The following PTPRD variants were observed in gnomAD, a reference collection of about 807,000 sequenced individuals.
PTPRD encodes receptor-type tyrosine-protein phosphatase delta.
In PTPRD, 34 loss-of-function variants were observed where a neutral mutation model predicts 214.5. The ratio of observed to expected loss-of-function variants is 0.16; its 90% confidence interval spans 0.12 to 0.21. The LOEUF (loss-of-function observed/expected upper bound fraction) is 0.21. Ranked by LOEUF, PTPRD falls within the 10% of genes least tolerant of loss-of-function variation. PTPRD has a pLI of 1.00. For missense variants in PTPRD, 2,545 were observed against 2,398.7 expected, an observed-to-expected ratio of 1.06 and a Z score of -1.27; for synonymous variants, 1,128 against 845.7, an observed-to-expected ratio of 1.33 and a Z score of -5.79.
chr9:9,861,724 T>A (rs1038495163), intron 5 of PTPRD, among the ~76,000 whole-genome samples: 15 of 152,238 alleles, frequency 9.9e-5, no homozygotes, highest in African/African-American at 3.6e-4. Context: ...AGCTTATATA[T>A]AGAAGCACTA....
intron 11 of PTPRD, among the ~76,000 whole-genome samples, chr9:8,803,989 G>C (rs984859542): frequency 3.3e-5 from 5 of 151,804 alleles, no homozygotes; most frequent in Non-Finnish European, 7.4e-5. Flanking sequence ...GTCTCGCTCT[G>C]TTGCCCAGGC....
intron 27 of PTPRD, among the ~76,000 whole-genome samples, chr9:8,489,628 G>C (rs1054509309): frequency 6.6e-6 from 1 of 152,212 alleles, no homozygotes; most frequent in African/African-American, 2.4e-5. Flanking sequence ...CCATAAGCAT[G>C]TGAATAATAG....
At chr9:9,622,791 C>T (rs1027994091) in intron 7 of PTPRD, among the ~76,000 whole-genome samples, 3 of 152,234 alleles carry the variant, frequency 2.0e-5, no homozygotes, top group African/African-American at 7.2e-5. Flanking sequence ...GGGATAAACA[C>T]TGCTCAGGAA....
intron 3 of PTPRD, among the ~76,000 whole-genome samples, chr9:10,303,651 T>C (rs2095946822): frequency 6.6e-6 from 1 of 152,108 alleles, no homozygotes; most frequent in Admixed American, 6.6e-5. Context: ...GCAAATAAAC[T>C]AGAAAATCTA....
chr9:8,671,598 C>A (rs2097287479), intron 12 of PTPRD, among the ~76,000 whole-genome samples: 1 of 152,080 alleles, frequency 6.6e-6, no homozygotes, highest in East Asian at 1.9e-4. Context: ...AATATTTTAT[C>A]TGTAGGAATC....
intron 14 of PTPRD, among the ~76,000 whole-genome samples, chr9:8,529,188 C>G (rs927017788): frequency 5.9e-5 from 9 of 152,006 alleles, no homozygotes; most frequent in African/African-American, 2.2e-4. Context: ...GGGAATGTCA[C>G]AAGTGTAGGC....
chr9:8,945,265 C>T (rs58837186), intron 11 of PTPRD, among the ~76,000 whole-genome samples: 21,537 of 151,714 alleles, frequency 0.14, 1,899 homozygotes, highest in Non-Finnish European at 0.2. Flanking sequence ...TGTGAATCTC[C>T]CACTTAAGGC....
intron 7 of PTPRD, among the ~76,000 whole-genome samples, chr9:9,643,905 G>C (rs766658643): frequency 6.6e-6 from 1 of 152,072 alleles, no homozygotes; most frequent in African/African-American, 2.4e-5. Context: ...GCCCGCTAAA[G>C]AATTATGTCA....
intron 10 of PTPRD, among the ~76,000 whole-genome samples, chr9:9,071,346 G>C (rs1225907853): frequency 6.6e-6 from 1 of 152,168 alleles, no homozygotes; most frequent in African/African-American, 2.4e-5. Context: ...ATGCCAAATA[G>C]GTTGATTTTG....
intron 44 of PTPRD, among the ~76,000 whole-genome samples, chr9:8,320,287 T>C (rs1272909886): frequency 6.6e-6 from 1 of 152,116 alleles, no homozygotes; most frequent in Non-Finnish European, 1.5e-5. Context: ...ATAATATTCA[T>C]GGAGATTCTG....
chr9:10,086,795 C>T (rs2098345688), intron 3 of PTPRD, among the ~76,000 whole-genome samples: 1 of 151,780 alleles, frequency 6.6e-6, no homozygotes, highest in Non-Finnish European at 1.5e-5. Context: ...TCATAATTTG[C>T]TTTCATTTCA....
At chr9:9,144,512 G>C (rs1205919481) in intron 10 of PTPRD, among the ~76,000 whole-genome samples, 1 of 152,084 alleles carries the variant, frequency 6.6e-6, no homozygotes, top group African/African-American at 2.4e-5. Flanking sequence ...CTAGTGCTTT[G>C]GGAGGCTGAG....
intron 3 of PTPRD, among the ~76,000 whole-genome samples, chr9:10,195,366 C>A (rs889123998): frequency 6.6e-6 from 1 of 151,932 alleles, no homozygotes; most frequent in Non-Finnish European, 1.5e-5. Flanking sequence ...GTTAGAGACC[C>A]CAATTTTAGA....
intron 2 of PTPRD, among the ~76,000 whole-genome samples, chr9:10,597,551 G>A (rs1229842341): frequency 2.0e-5 from 3 of 151,716 alleles, no homozygotes; most frequent in African/African-American, 7.3e-5. Flanking sequence ...AATAATGCAT[G>A]ACTTGAAACT....
intron 39 of PTPRD, among the ~76,000 whole-genome samples, chr9:8,373,860 GTCTGTCTATCTATCTA>G (rs1321916815): frequency 1.3e-4 from 10 of 75,444 alleles, no homozygotes; most frequent in South Asian, 5.3e-4. Context: ...GTATGTGTCT[GTCTGTCTATCTATCTA>G]TCTATCTATC....
At chr9:9,379,778 T>C (rs2061692111) in intron 9 of PTPRD, among the ~76,000 whole-genome samples, 1 of 152,058 alleles carries the variant, frequency 6.6e-6, no homozygotes, top group Admixed American at 6.6e-5. Context: ...TACTGTTTAT[T>C]TCTGAAGTGT....
chr9:9,062,479 A>G (rs1404945554), intron 10 of PTPRD, among the ~76,000 whole-genome samples: 1 of 152,088 alleles, frequency 6.6e-6, no homozygotes, highest in Non-Finnish European at 1.5e-5. Context: ...TTGTATCCCC[A>G]TGGATCTCAC....
chr9:8,364,062 T>G (rs1201176956), intron 39 of PTPRD, among the ~76,000 whole-genome samples: 1 of 152,206 alleles, frequency 6.6e-6, no homozygotes, highest in African/African-American at 2.4e-5. Flanking sequence ...ATTTCAGAGT[T>G]TTACACAGCT....
At chr9:8,535,699 T>C (rs929261441) in intron 14 of PTPRD, among the ~76,000 whole-genome samples, 3 of 151,944 alleles carry the variant, frequency 2.0e-5, no homozygotes, top group African/African-American at 7.2e-5. Flanking sequence ...TTTAAAAAGA[T>C]GATGCCAAGA....
Sources: gnomAD v4.1 joint callset for allele counts (sites outside exome capture counted in the v4.1 genomes callset) on GRCh38, gnomAD v4.1.1 for gene constraint, MANE v1.5 for transcripts, NCBI Gene and HGNC (gene_info 2026-07-23, HGNC 2026-07-21) for gene names.